Variants in ZMIZ1 observed in about 807,000 individuals in gnomAD.
ZMIZ1 encodes the protein zinc finger MIZ-type containing 1, also known as zinc finger MIZ domain-containing protein 1.
ZMIZ1 carries 17 observed loss-of-function variants against 113.9 expected under a neutral mutation model. That is an observed-to-expected ratio of 0.15 (90% CI 0.10 to 0.22). The LOEUF is 0.22. Ranked by LOEUF, ZMIZ1 falls within the 10% of genes least tolerant of loss-of-function variation. The pLI, the probability that ZMIZ1 is intolerant of heterozygous loss-of-function variation, is 1.00. For missense variants in ZMIZ1, 1,059 were observed against 1,477.8 expected (o/e 0.72, Z 4.65); for synonymous variants, 607 against 603.1 (o/e 1.01, Z -0.09).
At chr10:79,171,966 T>C (rs1158598189) in intron 4 of ZMIZ1, among the ~76,000 whole-genome samples, 1 of 152,190 alleles carries the variant, frequency 6.6e-6, no homozygotes, top group Non-Finnish European at 1.5e-5. Context: ...CACAGAGCAC[T>C]GCTTTTTAAA....
chr10:79,254,915 G>A (rs747171275), intron 7 of ZMIZ1, among the ~76,000 whole-genome samples: 3 of 152,218 alleles, frequency 2.0e-5, no homozygotes, highest in African/African-American at 7.2e-5. Context: ...GGGAAGAAGG[G>A]CGTGTGGTTG....
intron 7 of ZMIZ1, among the ~76,000 whole-genome samples, chr10:79,218,345 C>T (rs911733434): frequency 1.3e-5 from 2 of 151,980 alleles, no homozygotes; most frequent in Non-Finnish European, 2.9e-5. Context: ...TGCGGTGGTG[C>T]ACGCCTGTGG....
intron 12 of ZMIZ1, chr10:79,294,935 GAGAGAGA>G (rs199653515): frequency 2.0e-4 from 23 of 114,054 alleles, no homozygotes; most frequent in African/African-American, 5.5e-4. Context: ...TTCAGGAGGG[GAGAGAGA>G]GGGGGGGGGG....
chr10:79,278,699 A>C (rs894610668), intron 8 of ZMIZ1, among the ~76,000 whole-genome samples: 8 of 151,936 alleles, frequency 5.3e-5, no homozygotes, highest in Admixed American at 5.3e-4. Context: ...CACCGCCCTT[A>C]ATCCATTTAA....
At position 79,154,564 on chromosome 10, in the gene ZMIZ1, A is replaced by G. The variant is rs529847775; in HGVS notation, c.-130-7489A>G. 1.1e-4 allele frequency among the ~76,000 whole-genome samples: 17 copies of G among 152,280 alleles called. No individual in the cohort carries two copies. In the East Asian group the frequency reaches 3.3e-3, roughly 29 times the overall value. Reference sequence around the variant, plus strand: ...GGACCTGGTCTGGCCACCCCCAGCTAGGCGCCCCTTTAAGCAAGACCTCGG... The same window carrying G: ...GGACCTGGTCTGGCCACCCCCAGCTGGGCGCCCCTTTAAGCAAGACCTCGG... On this transcript the variant is annotated intron_variant, in intron 3 of 24. Transcript: ENST00000334512.
chr10:79,135,320 A>G (rs1350382646), intron 2 of ZMIZ1, among the ~76,000 whole-genome samples: 2 of 152,102 alleles, frequency 1.3e-5, no homozygotes, highest in Non-Finnish European at 2.9e-5. Flanking sequence ...GACTGGGCAG[A>G]TGGTGCCCTC....
chr10:79,099,015 G>C (rs560353134), intron 1 of ZMIZ1, among the ~76,000 whole-genome samples: 1 of 152,172 alleles, frequency 6.6e-6, no homozygotes, highest in Non-Finnish European at 1.5e-5. Context: ...CCATGTTGGC[G>C]GCAGATTCCA....
chr10:79,270,051 C>T (rs1193028540), intron 7 of ZMIZ1, among the ~76,000 whole-genome samples: 6 of 152,238 alleles, frequency 3.9e-5, no homozygotes, highest in South Asian at 2.1e-4. Context: ...CAGTCCTGGG[C>T]GTCTGTGCTG....
chr10:79,141,543 G>A (rs954446105), intron 3 of ZMIZ1, among the ~76,000 whole-genome samples: 2 of 152,114 alleles, frequency 1.3e-5, no homozygotes, highest in African/African-American at 2.4e-5. Context: ...GAGTAGCTGG[G>A]ACTACAGGCA....
In ZMIZ1 at chr10:79,312,668, C is replaced by A. The variant is rs760835622; in HGVS notation, c.3123C>A (p.Asp1041Glu). ...TCCTTCCCGAACTCACAAATCCTGA[C>A]GAGCTCCTGTCTTATCTGGACCCCC... ...LDLLPELTNP[D>E]ELLSYLDPPD... The change falls in exon 25 of 25, where the codon GAC becomes GAA. Residue 1041 changes from aspartate to glutamate, a missense_variant. Asp to Glu is a conservative substitution (Grantham distance 45). Around this residue, in one of 6 missense-constraint regions of ZMIZ1, gnomAD observed 225 missense variants for 276.0 expected, o/e 0.82. Coordinates refer to ENST00000334512, the MANE Select transcript of ZMIZ1 (RefSeq NM_020338.4). The A allele has an allele frequency of 5.0e-6, 8 of 1,614,084 alleles. No homozygotes were observed. The Admixed American group carries it at 1.0e-4, about 20-fold the overall frequency.
intron 8 of ZMIZ1, among the ~76,000 whole-genome samples, chr10:79,278,931 C>T (rs1043230158): frequency 6.6e-6 from 1 of 152,248 alleles, no homozygotes; most frequent in African/African-American, 2.4e-5. Context: ...CATCATGGCC[C>T]GTTCTCAATG....
rs1025397714 is a variant in ZMIZ1 at position 79,069,995 on chromosome 10, G to A, written c.-337+725G>A. Among the ~76,000 whole-genome samples, 9 of 151,952 alleles carry A rather than the reference G, an allele frequency of 5.9e-5. No homozygotes were observed. Among genetic ancestry groups the A allele is most frequent in the Non-Finnish European group, 1.2e-4 (8 of 67,964 alleles). On this transcript the variant is annotated intron_variant, in intron 1 of 24. Transcript: ENST00000334512. The surrounding 1 kb of genome is among the most constrained non-coding windows in gnomAD (Gnocchi z 4.6). ...CCCGGCCAGGAGGGGAGCCCAGGGG[G>A]AAGATGTGCGTGTGTGTGCGCGCGC...
chr10:79,122,440 TCC>T (rs1448805123), intron 2 of ZMIZ1, among the ~76,000 whole-genome samples: 3 of 152,254 alleles, frequency 2.0e-5, no homozygotes, highest in Non-Finnish European at 4.4e-5. Flanking sequence ...CTTTTCCAAA[TCC>T]ACCTGGCTGG....
At chr10:79,078,237 G>C (rs555090254) in intron 1 of ZMIZ1, among the ~76,000 whole-genome samples, 3 of 152,106 alleles carry the variant, frequency 2.0e-5, no homozygotes, top group African/African-American at 7.2e-5. Flanking sequence ...GACTCTTCTC[G>C]TGTGAAGGGA....
At chr10:79,264,248 G>A (rs573374577) in intron 7 of ZMIZ1, among the ~76,000 whole-genome samples, 1 of 152,170 alleles carries the variant, frequency 6.6e-6, no homozygotes, top group Non-Finnish European at 1.5e-5. Context: ...TTGTCACCTT[G>A]CCTCTTGAGC....
chr10:79,305,249 C>T lies in ZMIZ1; in HGVS notation c.2354+18C>T, dbSNP rs369213204. 42 of 1,612,854 alleles carry T rather than the reference C, an allele frequency of 2.6e-5. No homozygotes were observed. The highest frequency in any genetic ancestry group is 3.2e-5 in the Non-Finnish European group (38 of 1,179,136). On this transcript the variant is annotated intron_variant, in intron 20 of 24. Coordinates refer to ENST00000334512, the MANE Select transcript of ZMIZ1 (RefSeq NM_020338.4). ...GTGTGCAAGTGAGTGATGCCCACCC[C>T]GGTGGGGGCTTCCCCCATCCCCCAA...
In ZMIZ1 at chr10:79,235,375, G is replaced by A. The variant is rs562698966; in HGVS notation, c.280+19101G>A. 7.9e-5 allele frequency among the ~76,000 whole-genome samples: 12 copies of A among 152,282 alleles called. No individual in the cohort carries two copies. The South Asian group carries it at 1.9e-3, about 24-fold the overall frequency. ...GGGCTTGGGAGGTTCCTAAAACCGC[G>A]CAATTGCTGCCCAGAGCACACCGAG... On this transcript the variant is annotated intron_variant, in intron 7 of 24. Transcript: ENST00000334512.
At chr10:79,274,956 C>T (rs949666134) in intron 7 of ZMIZ1, among the ~76,000 whole-genome samples, 1 of 152,214 alleles carries the variant, frequency 6.6e-6, no homozygotes, top group Non-Finnish European at 1.5e-5. Flanking sequence ...GCGAGGGCTG[C>T]GAGGGGTGGG....
chr10:79,176,658 G>GTCTCTCA (rs1846881438), intron 4 of ZMIZ1, among the ~76,000 whole-genome samples: 1 of 150,116 alleles, frequency 6.7e-6, no homozygotes, highest in Non-Finnish European at 1.5e-5. Flanking sequence ...GCAAGGACCT[G>GTCTCTCA]CTTGATAGCA....
Sources: allele counts gnomAD v4.1 joint callset (sites outside exome capture counted in the v4.1 genomes callset), GRCh38; gene constraint gnomAD v4.1.1; regional missense constraint gnomAD v4.1.1; non-coding constraint Gnocchi (gnomAD v3.1); transcripts MANE v1.5; gene names NCBI Gene and HGNC (gene_info 2026-07-23, HGNC 2026-07-21).